Variants in POLR3B observed in about 807,000 individuals in gnomAD.
The protein encoded by POLR3B is DNA-directed RNA polymerase III subunit RPC2.
POLR3B carries 96 observed loss-of-function variants against 147.4 expected under a neutral mutation model. The ratio of observed to expected loss-of-function variants is 0.65; its 90% CI spans 0.55 to 0.77. POLR3B has a LOEUF of 0.77. POLR3B is among the 30% of genes least tolerant of loss of function. The probability of loss-of-function intolerance (pLI) is 0.00; values close to 1 mark genes in which losing one functional copy is unlikely to be tolerated. For synonymous variants in POLR3B, 461 were observed against 485.9 expected (o/e 0.95, Z 0.67); for missense variants, 1,036 against 1,413.5 (o/e 0.73, Z 4.28).
At chr12:106,474,953 A>T in intron 23 of POLR3B, among the ~76,000 whole-genome samples, 1 of 132,514 alleles carries the variant, frequency 7.5e-6, no homozygotes, top group Non-Finnish European at 1.6e-5. Context: ...TTTAATTGTG[A>T]TGTTAGGGTG....
chr12:106,388,745 A>T (rs2036876287), intron 9 of POLR3B, among the ~76,000 whole-genome samples: 1 of 152,194 alleles, frequency 6.6e-6, no homozygotes, highest in Non-Finnish European at 1.5e-5. Context: ...AACATTAGAG[A>T]TTTCTGAATA....
chr12:106,503,640 C>T (rs965013371), intron 26 of POLR3B, among the ~76,000 whole-genome samples: 2 of 152,170 alleles, frequency 1.3e-5, no homozygotes, highest in Non-Finnish European at 2.9e-5. Flanking sequence ...CCAGGTTTCC[C>T]CCACAGTCTA....
intron 10 of POLR3B, among the ~76,000 whole-genome samples, chr12:106,404,036 TC>T (rs976894141): frequency 2.7e-4 from 41 of 151,994 alleles, no homozygotes; most frequent in African/African-American, 9.4e-4. Flanking sequence ...TATACCTTGT[TC>T]CAAAATGATT....
At chr12:106,386,362 A>G (rs2036837987) in intron 9 of POLR3B, among the ~76,000 whole-genome samples, 1 of 151,568 alleles carries the variant, frequency 6.6e-6, no homozygotes, top group South Asian at 2.1e-4. Flanking sequence ...AAAAAAGAAA[A>G]CTTTATCTAA....
At chr12:106,405,050 T>G (rs1232394033) in intron 10 of POLR3B, among the ~76,000 whole-genome samples, 2 of 152,202 alleles carry the variant, frequency 1.3e-5, no homozygotes, top group African/African-American at 4.8e-5. Flanking sequence ...TAGTATGTGT[T>G]TATTTCTGGA....
At chr12:106,441,798 C>T (rs528727847) in intron 18 of POLR3B, among the ~76,000 whole-genome samples, 3 of 152,198 alleles carry the variant, frequency 2.0e-5, no homozygotes, top group Admixed American at 6.5e-5. Context: ...TAAGAAATCT[C>T]GGCTGAGTGC....
chr12:106,378,252 G>C lies in POLR3B; in HGVS notation c.497-15G>C, dbSNP rs779185308. 5.4e-6 allele frequency: 8 copies of C among 1,490,822 alleles called. No homozygotes were observed. The highest frequency in any genetic ancestry group is 7.5e-6 in the Non-Finnish European group (8 of 1,067,442). The allele number at this position is 1,490,822 out of a possible 1,614,324, so 92.3% of individuals were successfully genotyped here. On this transcript the variant is annotated splice_polypyrimidine_tract_variant and intron_variant, in intron 7 of 27. Transcript: ENST00000228347. ...AGGAATAAATGATGAAGTTTTTCTT[G>C]TTTCCTTTGGGTAGGTGGCTACTTC...
intron 23 of POLR3B, among the ~76,000 whole-genome samples, chr12:106,477,397 T>TCG (rs1246199120): frequency 7.7e-6 from 1 of 130,228 alleles, no homozygotes; most frequent in Non-Finnish European, 1.6e-5. Flanking sequence ...TCCACCCAGT[T>TCG]CGAGCTTCCC....
At chr12:106,378,184 C>G (rs2036707620) in intron 7 of POLR3B, 83 bp from the exon 8 acceptor site, 4 of 857,312 alleles carry the variant, frequency 4.7e-6, no homozygotes, top group East Asian at 2.4e-5. Flanking sequence ...AAGGTAATCT[C>G]TGATTCACAA....
At chr12:106,372,044 C>T (rs2036614745) in intron 6 of POLR3B, among the ~76,000 whole-genome samples, 1 of 152,154 alleles carries the variant, frequency 6.6e-6, no homozygotes, top group South Asian at 2.1e-4. Context: ...GTTAGCTCCG[C>T]ATTCATAAAA....
Position 106,369,283 on chromosome 12 carries a change from A to G in POLR3B, c.236A>G (p.Asn79Ser), listed in dbSNP as rs2036572508. 6.3e-7 allele frequency: 1 copy of G among 1,579,038 alleles called. No homozygotes were observed. The highest frequency in any genetic ancestry group is 8.7e-7 in the Non-Finnish European group (1 of 1,148,046). The change falls in exon 5 of 28, where the codon AAT becomes AGT. Residue 79 changes from asparagine (N) to serine (S), a missense_variant. Transcript: ENST00000228347. The stretch of plus-strand genomic sequence containing the variant: ...ACTAATTTGCTTTTCAGATATCTTA[A>G]TATCTATGTTGGGCTTCCTGATGTT... ...ADPMWYLKYLNIYVGLPDVEE... is the reference protein window; with the variant it reads ...ADPMWYLKYLSIYVGLPDVEE...
At chr12:106,368,199 G>A (rs759613028) in intron 4 of POLR3B, among the ~76,000 whole-genome samples, 2 of 151,436 alleles carry the variant, frequency 1.3e-5, no homozygotes, top group South Asian at 4.2e-4. Flanking sequence ...TTCTTGGACC[G>A]TAAGATATGG....
chr12:106,362,688 A>G (rs1402365096), intron 1 of POLR3B, among the ~76,000 whole-genome samples: 1 of 152,066 alleles, frequency 6.6e-6, no homozygotes, highest in African/African-American at 2.4e-5. Context: ...ATTTTACTTA[A>G]TCACCTTTGT....
At chr12:106,480,892 G>T (rs571860014) in intron 23 of POLR3B, among the ~76,000 whole-genome samples, 3 of 152,054 alleles carry the variant, frequency 2.0e-5, no homozygotes, top group Non-Finnish European at 4.4e-5. Context: ...AAGCTGGGAG[G>T]GGGGATGGGA....
intron 18 of POLR3B, among the ~76,000 whole-genome samples, chr12:106,442,442 A>C: frequency 6.6e-6 from 1 of 152,152 alleles, no homozygotes; most frequent in East Asian, 1.9e-4. Flanking sequence ...TTAAAGAAAA[A>C]AGCAAAACAA....
intron 23 of POLR3B, among the ~76,000 whole-genome samples, chr12:106,494,358 C>T (rs569171602): frequency 4.4e-4 from 67 of 152,294 alleles, no homozygotes; most frequent in Middle Eastern, 6.8e-3. Flanking sequence ...CCTGAGCAGA[C>T]GCCAGCCTCC....
At chr12:106,484,273 C>T (rs1307687635) in intron 23 of POLR3B, among the ~76,000 whole-genome samples, 3 of 152,146 alleles carry the variant, frequency 2.0e-5, no homozygotes, top group Non-Finnish European at 4.4e-5. Flanking sequence ...GCACCAATCA[C>T]AAAGCATTTG....
Position 106,369,987 on chromosome 12 carries a change from G to A in POLR3B, c.404+304G>A, listed in dbSNP as rs546688832. Among the ~76,000 whole-genome samples the A allele has an allele frequency of 3.3e-5, 5 of 152,008 alleles. No homozygotes were observed. The South Asian group carries it at 1.0e-3, about 32-fold the overall frequency. On this transcript the variant is annotated intron_variant, in intron 6 of 27. Coordinates refer to ENST00000228347, the MANE Select transcript of POLR3B (RefSeq NM_018082.6). ...ACTCTCCTGGACAGGTCTTCTTGGT[G>A]GATAGGTATATTCTGAGATTGAGTT...
chr12:106,437,792 C>G lies in POLR3B; in HGVS notation c.1955+13C>G. On this transcript the variant is annotated intron_variant, in intron 18 of 27. Transcript: ENST00000228347. ...ACACAATTAATAAGTAAGTAGGATC[C>G]ATAGCAACCATAATTAAAACGTGTT... The G allele has an allele frequency of 7.2e-7, 1 of 1,383,344 alleles. No individual in the cohort carries two copies. The highest frequency in any genetic ancestry group is 1.0e-6 in the Non-Finnish European group (1 of 970,230). The allele number at this position is 1,383,344 out of a possible 1,614,324, so 85.7% of individuals were successfully genotyped here.
Sources: gnomAD v4.1 joint callset for allele counts (sites outside exome capture counted in the v4.1 genomes callset) on GRCh38, gnomAD v4.1.1 for gene constraint, MANE v1.5 for transcripts, NCBI Gene and HGNC (gene_info 2026-07-23, HGNC 2026-07-21) for gene names.